STUM: variants seen among roughly 807,000 people sequenced by gnomAD.
The protein encoded by STUM is protein stum homolog.
A neutral mutation model predicts 15.3 loss-of-function variants in STUM; 8 were observed. The ratio of observed to expected loss-of-function variants is 0.52; its 90% CI spans 0.31 to 0.94. The LOEUF (loss-of-function observed/expected upper bound fraction) is 0.94, where lower values mean the gene tolerates loss of function less well. Ranked by LOEUF, STUM falls within the 40% of genes least tolerant of loss-of-function variation. The pLI, the probability that STUM is intolerant of heterozygous loss-of-function variation, is 0.05. For synonymous variants in STUM, 78 were observed against 88.7 expected (o/e 0.88, Z 0.68); for missense variants, 142 against 204.9 (o/e 0.69, Z 1.87).
chr1:226,584,956 C>T (rs1212801386), intron 1 of STUM, among the ~76,000 whole-genome samples: 1 of 152,204 alleles, frequency 6.6e-6, no homozygotes, highest in East Asian at 1.9e-4. Flanking sequence ...TTGCTTAATA[C>T]ACTCCAGTCT....
In STUM at chr1:226,565,344, C is replaced by G. The variant is rs953273637; in HGVS notation, c.202+16238C>G. On this transcript the variant is annotated intron_variant, in intron 1 of 3. Transcript: ENST00000366788. This position sits in a 1 kb window ranked among gnomAD's most constrained non-coding sequence, Gnocchi z 4.4. ...TTCATGAAGACCCTGGGGGTGGGAG[C>G]CTTTGCTTCCTGCTGGGACCCCCTG... Among the ~76,000 whole-genome samples, 2 of 152,072 alleles carry G rather than the reference C, an allele frequency of 1.3e-5. No individual in the cohort carries two copies. The highest frequency in any genetic ancestry group is 6.5e-5 in the Admixed American group (1 of 15,268).
intron 1 of STUM, among the ~76,000 whole-genome samples, chr1:226,563,771 G>A (rs778670360): frequency 3.0e-4 from 45 of 152,358 alleles, no homozygotes; most frequent in Admixed American, 1.6e-3. Flanking sequence ...GCCATGCCGA[G>A]AGGGCATGAG....
intron 1 of STUM, among the ~76,000 whole-genome samples, chr1:226,560,519 G>T (rs1049486914): frequency 3.3e-5 from 5 of 152,188 alleles, no homozygotes; most frequent in Non-Finnish European, 7.4e-5. Flanking sequence ...ATGTCACCGA[G>T]CAGAAAACAT....
intron 1 of STUM, among the ~76,000 whole-genome samples, chr1:226,571,253 CAAAACAA>C (rs1247009646): frequency 6.6e-6 from 1 of 151,992 alleles, no homozygotes; most frequent in Non-Finnish European, 1.5e-5. Context: ...CAAAACAAAA[CAAAACAA>C]AAACTATAGA....
At chr1:226,593,683 TAGA>T (rs1222116609) in intron 1 of STUM, among the ~76,000 whole-genome samples, 5 of 152,070 alleles carry the variant, frequency 3.3e-5, no homozygotes, top group South Asian at 2.1e-4. Context: ...CCGGCGAGAG[TAGA>T]AGAACAGCTT....
intron 1 of STUM, among the ~76,000 whole-genome samples, chr1:226,589,321 C>T (rs150994758): frequency 9.2e-5 from 14 of 152,332 alleles, no homozygotes; most frequent in Admixed American, 9.1e-4. Context: ...GGCTGCTTCT[C>T]TTCTCGTGCC....
At chr1:226,601,583 T>A (rs1047460655) in intron 3 of STUM, among the ~76,000 whole-genome samples, 3 of 152,114 alleles carry the variant, frequency 2.0e-5, no homozygotes, top group Non-Finnish European at 4.4e-5. Flanking sequence ...GCTGCTCCCC[T>A]CTGTATGCCA....
chr1:226,574,952 C>T (rs946524103), intron 1 of STUM, among the ~76,000 whole-genome samples: 3 of 152,188 alleles, frequency 2.0e-5, no homozygotes, highest in Non-Finnish European at 2.9e-5. Context: ...GTGTGGACCG[C>T]GGTCAGTTCC....
rs1267462509 is a variant in STUM at position 226,579,986 on chromosome 1, A to G, written c.203-16816A>G. Among the ~76,000 whole-genome samples the G allele has an allele frequency of 2.0e-5, 3 of 152,150 alleles. No individual in the cohort carries two copies. The South Asian group carries it at 6.2e-4, about 32-fold the overall frequency. On this transcript the variant is annotated intron_variant, in intron 1 of 3. Coordinates refer to ENST00000366788, the MANE Select transcript of STUM (RefSeq NM_001003665.4). ...AGGATAATCATATCTGCATCTTGAA[A>G]ACATCCCTGTAGCTGTTGTAGGCAG...
chr1:226,550,610 T>TA (rs397973181), intron 1 of STUM, among the ~76,000 whole-genome samples: 9 of 151,696 alleles, frequency 5.9e-5, no homozygotes, highest in East Asian at 1.9e-4. Context: ...TTTTTTTTTT[T>TA]AAGTGGTGAG....
chr1:226,573,795 A>G (rs1211198486), intron 1 of STUM, among the ~76,000 whole-genome samples: 1 of 151,806 alleles, frequency 6.6e-6, no homozygotes, highest in Non-Finnish European at 1.5e-5. Context: ...TGGTAAGAGC[A>G]CCTGAAATCT....
At chr1:226,557,557 CT>C (rs1667465985) in intron 1 of STUM, among the ~76,000 whole-genome samples, 1 of 152,220 alleles carries the variant, frequency 6.6e-6, no homozygotes, top group Non-Finnish European at 1.5e-5. Flanking sequence ...CATCTCCATA[CT>C]ATTTTCCATA....
At chr1:226,592,459 A>G (rs1668106546) in intron 1 of STUM, among the ~76,000 whole-genome samples, 1 of 152,214 alleles carries the variant, frequency 6.6e-6, no homozygotes, top group African/African-American at 2.4e-5. Context: ...AGGGCAAGTC[A>G]TTTAGCCTGT....
rs558842095 is a variant in STUM, at chr1:226,549,196, C to A, written c.202+90C>A. The A allele has an allele frequency of 7.0e-6, 8 of 1,146,332 alleles. No homozygotes were observed. In the African/African-American group the frequency reaches 1.1e-4, roughly 16 times the overall value. 71.0% of individuals were successfully genotyped at this position (1,146,332 alleles called of 1,614,324 possible). On this transcript the variant is annotated intron_variant, in intron 1 of 3. Transcript: ENST00000366788. The surrounding 1 kb of genome is among the most constrained non-coding windows in gnomAD (Gnocchi z 6.8). ...AAGGGCGCGGCCGGAGACCTCCTGG[C>A]GGGGCCGCGCGCTCCAAGTGCTGCG...
chr1:226,552,147 A>G lies in STUM; in HGVS notation c.202+3041A>G, dbSNP rs1667383691. On this transcript the variant is annotated intron_variant, in intron 1 of 3. Transcript: ENST00000366788. This position sits in a 1 kb window ranked among gnomAD's most constrained non-coding sequence, Gnocchi z 4.7. ...CCAGTCTGCAGGACCAGCTGTGGAG[A>G]AGCCCCATCCTTAAAATTCCCCAGT... Among the ~76,000 whole-genome samples, 1 of 151,896 alleles carries G rather than the reference A, an allele frequency of 6.6e-6. No individual in the cohort carries two copies. Among genetic ancestry groups the G allele is most frequent in the Admixed American group, 6.6e-5 (1 of 15,258 alleles).
At chr1:226,558,381 G>A (rs938671348) in intron 1 of STUM, among the ~76,000 whole-genome samples, 1 of 152,160 alleles carries the variant, frequency 6.6e-6, no homozygotes, top group East Asian at 1.9e-4. Flanking sequence ...AACTGGGGGT[G>A]GACAGGGTGA....
chr1:226,576,908 G>A (rs1032979732), intron 1 of STUM, among the ~76,000 whole-genome samples: 2 of 152,184 alleles, frequency 1.3e-5, no homozygotes, highest in African/African-American at 4.8e-5. Context: ...CATTGCACTG[G>A]TGCCTAGAAT....
chr1:226,589,260 G>A (rs1041049836), intron 1 of STUM, among the ~76,000 whole-genome samples: 7 of 152,148 alleles, frequency 4.6e-5, no homozygotes, highest in African/African-American at 9.7e-5. Flanking sequence ...GCTCTATCTC[G>A]TGGGAGCAGA....
At chr1:226,557,763 C>T (rs1197826828) in intron 1 of STUM, among the ~76,000 whole-genome samples, 1 of 152,148 alleles carries the variant, frequency 6.6e-6, no homozygotes, top group Non-Finnish European at 1.5e-5. Flanking sequence ...GAACCAAATT[C>T]CACAGTGCAT....
Sources: gnomAD v4.1 joint callset for allele counts (sites outside exome capture counted in the v4.1 genomes callset) on GRCh38, gnomAD v4.1.1 for gene constraint, Gnocchi (gnomAD v3.1) non-coding constraint, MANE v1.5 for transcripts, NCBI Gene and HGNC (gene_info 2026-07-23, HGNC 2026-07-21) for gene names.